Variants in C5 observed in about 807,000 individuals in gnomAD.
The protein encoded by C5 is complement C5.
A neutral mutation model predicts 218.8 loss-of-function variants in C5; 140 were observed. That is an observed-to-expected ratio of 0.64 (90% CI 0.56 to 0.74). The LOEUF (loss-of-function observed/expected upper bound fraction) is 0.74. Ranked by LOEUF, C5 falls within the 30% of genes least tolerant of loss-of-function variation. The pLI is 0.00. For synonymous variants in C5, 614 were observed against 682.3 expected (o/e 0.90, Z 1.56); for missense variants, 1,700 against 1,969.6 (o/e 0.86, Z 2.59).
intron 22 of C5, among the ~76,000 whole-genome samples, chr9:120,995,061 C>A (rs755927559): frequency 9.9e-5 from 15 of 152,050 alleles, no homozygotes; most frequent in Non-Finnish European, 2.1e-4. Context: ...AGGAGGAGGT[C>A]TGTGTGAAGA....
intron 20 of C5, among the ~76,000 whole-genome samples, chr9:120,998,159 A>C (rs2047133357): frequency 6.6e-6 from 1 of 152,220 alleles, no homozygotes; most frequent in Admixed American, 6.5e-5. Flanking sequence ...TTGTCTGGAC[A>C]CAAACTCTCC....
At chr9:120,976,992 G>C (rs2046958547) in intron 28 of C5, 87 bp from the exon 29 acceptor site, 1 of 1,139,532 alleles carries the variant, frequency 8.8e-7, no homozygotes, top group Admixed American at 1.9e-5. Flanking sequence ...TGGCCTTCCA[G>C]TTTCTAGAAG....
At chr9:120,986,383 G>A (rs193274005) in intron 25 of C5, among the ~76,000 whole-genome samples, 47 of 149,592 alleles carry the variant, frequency 3.1e-4, no homozygotes, top group East Asian at 2.5e-3. Flanking sequence ...AAAAAAAGAC[G>A]AATATAAAAA....
Position 120,956,152 on chromosome 9 carries a change from G to C in C5, c.4762+1133C>G, listed in dbSNP as rs150225040. Reference sequence around the variant, plus strand: ...TCCGCTAAGATACAAAAATAAGTCAGGCGTGGTGGTGCATGTCTGTAATCC... The same window carrying C: ...TCCGCTAAGATACAAAAATAAGTCACGCGTGGTGGTGCATGTCTGTAATCC... On this transcript the variant is annotated intron_variant, in intron 39 of 40. Transcript: ENST00000223642. Among the ~76,000 whole-genome samples, 24 of 152,230 alleles carry C rather than the reference G, an allele frequency of 1.6e-4. 1 individual carries two copies. The East Asian group carries it at 4.4e-3, about 28-fold the overall frequency.
chr9:120,968,456 A>C (rs1175651055), intron 33 of C5, among the ~76,000 whole-genome samples: 3 of 152,148 alleles, frequency 2.0e-5, no homozygotes, highest in Non-Finnish European at 4.4e-5. Context: ...TAGAATTGCA[A>C]GATAGTAAAA....
Position 121,015,265 on chromosome 9 carries a change from G to T in C5, c.1997-4C>A, listed in dbSNP as rs780957683. The T allele has an allele frequency of 3.0e-5, 47 of 1,592,240 alleles. No homozygotes were observed. The East Asian group carries it at 3.1e-4, about 11-fold the overall frequency. ...AGAATTTCTTTACAAGGTTCATCTG[G>T]TTTTTTTAAAAAAAGATAAAGAAGA... On this transcript the variant is annotated splice_region_variant and splice_polypyrimidine_tract_variant and intron_variant, in intron 15 of 40. Transcript: ENST00000223642.
intron 10 of C5, among the ~76,000 whole-genome samples, 156 bp from the exon 11 acceptor site, chr9:121,021,850 C>T (rs1049740197): frequency 7.2e-5 from 11 of 151,970 alleles, no homozygotes; most frequent in African/African-American, 1.9e-4. Flanking sequence ...TACTACGTTG[C>T]CCAGGTTGGA....
At chr9:120,982,465 A>G (rs2047002063) in intron 26 of C5, among the ~76,000 whole-genome samples, 190 bp downstream of exon 26, 2 of 152,244 alleles carry the variant, frequency 1.3e-5, no homozygotes, top group South Asian at 4.1e-4. Flanking sequence ...TCTGATCTCT[A>G]GTGAACTGTC....
At chr9:121,042,955 C>A in intron 3 of C5, 49 bp downstream of exon 3, 1 of 1,473,946 alleles carries the variant, frequency 6.8e-7, no homozygotes, top group South Asian at 1.1e-5. Flanking sequence ...AATATAGTGT[C>A]AATACTGTCA....
At chr9:121,018,286 A>G (rs1263930385) in intron 12 of C5, among the ~76,000 whole-genome samples, 1 of 145,348 alleles carries the variant, frequency 6.9e-6, no homozygotes, top group Non-Finnish European at 1.5e-5. Flanking sequence ...AAGACATACC[A>G]ATTTTGGCTG....
chr9:121,068,743 A>G, the C5 span, among the ~76,000 whole-genome samples: 1 of 152,260 alleles, frequency 6.6e-6, no homozygotes, highest in Non-Finnish European at 1.5e-5. Flanking sequence ...ACAAAGCTGT[A>G]GTAACCAAAA....
intron 17 of C5, among the ~76,000 whole-genome samples, chr9:121,012,803 A>G (rs1282317150): frequency 6.6e-6 from 1 of 152,206 alleles, no homozygotes; most frequent in Non-Finnish European, 1.5e-5. Context: ...ACAAACCTGT[A>G]CAGCATGTTA....
At chr9:120,988,929 T>A in intron 25 of C5, 117 bp downstream of exon 25, 1 of 786,836 alleles carries the variant, frequency 1.3e-6, no homozygotes, top group South Asian at 1.4e-5. Context: ...AAGAGAGGAG[T>A]GAAGGATGAC....
At position 121,008,400 on chromosome 9, in the gene C5, T is replaced by C; in HGVS notation, c.2348+8A>G. 1 of 1,594,734 alleles carries C rather than the reference T, an allele frequency of 6.3e-7. No individual in the cohort carries two copies. Among genetic ancestry groups the C allele is most frequent in the Non-Finnish European group, 8.6e-7 (1 of 1,162,448 alleles). ...TTCTTTCAAGGAAACATGAAAGAAG[T>C]ATAATACCTTCTGGGAACAAGATGA... On this transcript the variant is annotated splice_region_variant and intron_variant, in intron 18 of 40. Coordinates refer to ENST00000223642, the MANE Select transcript of C5 (RefSeq NM_001735.3).
intron 4 of C5, among the ~76,000 whole-genome samples, chr9:121,035,748 T>A (rs1490501265): frequency 6.6e-6 from 1 of 150,696 alleles, no homozygotes; most frequent in African/African-American, 2.5e-5. Flanking sequence ...TTTTTTTTTT[T>A]AATTTTTAGT....
chr9:120,993,241 A>G (rs2047090520), intron 22 of C5, among the ~76,000 whole-genome samples: 1 of 152,190 alleles, frequency 6.6e-6, no homozygotes, highest in Non-Finnish European at 1.5e-5. Context: ...ACAGGACTAA[A>G]TGGCATTAAA....
chr9:121,008,264 C>A, intron 18 of C5, 144 bp downstream of exon 18: 1 of 669,012 alleles, frequency 1.5e-6, no homozygotes, highest in Non-Finnish European at 2.6e-6. Flanking sequence ...AAAAGCAAAG[C>A]AAAACAAAAC....
intron 38 of C5, among the ~76,000 whole-genome samples, chr9:120,959,647 T>C (rs1343287195): frequency 6.6e-6 from 1 of 151,992 alleles, no homozygotes; most frequent in Non-Finnish European, 1.5e-5. Flanking sequence ...GCAATAAACA[T>C]CAAAAACTGA....
At chr9:121,073,383 G>C in the C5 span, among the ~76,000 whole-genome samples, 2 of 152,042 alleles carry the variant, frequency 1.3e-5, no homozygotes, top group East Asian at 3.9e-4. Context: ...GTAGAAAGAA[G>C]TATTGCTTCT....
Sources: allele counts gnomAD v4.1 joint callset (sites outside exome capture counted in the v4.1 genomes callset), GRCh38; gene constraint gnomAD v4.1.1; transcripts MANE v1.5; gene names NCBI Gene and HGNC (gene_info 2026-07-23, HGNC 2026-07-21).